Variants in CAST observed in about 807,000 individuals in gnomAD.
CAST encodes calpastatin.
Under a neutral mutation model 119.6 loss-of-function variants are expected in CAST, and 76 were observed. The observed-to-expected ratio is 0.64, with a 90% CI of 0.53 to 0.77. The LOEUF (loss-of-function observed/expected upper bound fraction) is 0.77. CAST is among the 30% of genes least tolerant of loss of function. CAST has a pLI of 0.00. For synonymous variants in CAST, 319 were observed against 331.6 expected (o/e 0.96, Z 0.41); for missense variants, 953 against 946.5 (o/e 1.01, Z -0.09).
the CAST span, among the ~76,000 whole-genome samples, chr5:96,383,492 G>A: frequency 1.3e-5 from 2 of 152,166 alleles, no homozygotes; most frequent in African/African-American, 4.8e-5. Flanking sequence ...CTGTCGCCAG[G>A]CTGGAGTGCA....
intron 3 of CAST, among the ~76,000 whole-genome samples, chr5:96,705,005 A>G (rs1754645718): frequency 6.6e-6 from 1 of 152,164 alleles, no homozygotes; most frequent in Non-Finnish European, 1.5e-5. Context: ...ACTACATCCA[A>G]TTTTTTAAAA....
the CAST span, among the ~76,000 whole-genome samples, chr5:96,047,841 C>A: frequency 1.3e-5 from 2 of 152,024 alleles, no homozygotes; most frequent in Non-Finnish European, 2.9e-5. Context: ...GCGCATGATG[C>A]AATGAGGGAA....
At chr5:96,194,120 C>T in the CAST span, among the ~76,000 whole-genome samples, 12 of 152,134 alleles carry the variant, frequency 7.9e-5, no homozygotes, top group African/African-American at 2.9e-4. Context: ...ATTTACAGAT[C>T]GAGATCTCCC....
the CAST span, among the ~76,000 whole-genome samples, chr5:96,163,559 G>C: frequency 6.6e-6 from 1 of 152,158 alleles, no homozygotes; most frequent in Non-Finnish European, 1.5e-5. Flanking sequence ...AATTTTAATA[G>C]ATATAGCTAG....
chr5:96,207,428 G>T, the CAST span, among the ~76,000 whole-genome samples: 1 of 151,974 alleles, frequency 6.6e-6, no homozygotes, highest in South Asian at 2.1e-4. Context: ...TAGGATGTTG[G>T]CTGTGAGTTT....
At position 96,747,433 on chromosome 5, in the gene CAST, G is replaced by T. The variant is rs1440783610; in HGVS notation, c.1332+41G>T. 4 of 1,226,140 alleles carry T rather than the reference G, an allele frequency of 3.3e-6. No individual in the cohort carries two copies. In the African/African-American group the frequency reaches 6.0e-5, roughly 18 times the overall value. 76.0% of individuals were successfully genotyped at this position (1,226,140 alleles called of 1,614,324 possible). The stretch of plus-strand genomic sequence containing the variant: ...TTTTTCTGATACTTAAAGAACAATA[G>T]ACATGTAAAGTATGAATTAAGATAA... On this transcript the variant is annotated intron_variant, in intron 18 of 31. Transcript: ENST00000675179.
chr5:96,131,645 A>G, the CAST span, among the ~76,000 whole-genome samples: 1 of 152,156 alleles, frequency 6.6e-6, no homozygotes, highest in African/African-American at 2.4e-5. Flanking sequence ...CATTAAGAGA[A>G]AAAGCACCAA....
chr5:96,608,392 A>G (rs1181139129), intron 1 of CAST, among the ~76,000 whole-genome samples: 1 of 152,198 alleles, frequency 6.6e-6, no homozygotes, highest in Non-Finnish European at 1.5e-5. Flanking sequence ...TGAGGTTAAC[A>G]GTAATACCAC....
rs27962 is a variant in CAST at position 96,753,935 on chromosome 5, C to G, written c.1525-125C>G. 42,710 of 624,330 alleles carry G rather than the reference C, an allele frequency of 0.068. 1,909 individuals carry two copies. Among genetic ancestry groups the G allele is most frequent in the African/African-American group, 0.15 (8,399 of 54,892 alleles). 38.7% of individuals were successfully genotyped at this position (624,330 alleles called of 1,614,324 possible). A position where few individuals can be genotyped will look rare whatever the true frequency, so the allele number is the denominator to read the frequency against. On this transcript the variant is annotated intron_variant, in intron 20 of 31. Transcript: ENST00000675179. Reference sequence around the variant, plus strand: ...ATAGATTCTAATTCAGTTGATAACTCGAGTTATTAAAAGATAGCGTGTGCC... The same window carrying G: ...ATAGATTCTAATTCAGTTGATAACTGGAGTTATTAAAAGATAGCGTGTGCC...
intron 1 of CAST, among the ~76,000 whole-genome samples, chr5:96,654,663 TA>T (rs1748133692): frequency 6.6e-6 from 1 of 152,210 alleles, no homozygotes; most frequent in South Asian, 2.1e-4. Context: ...AGTTCATTAA[TA>T]ACTTGCTGTT....
chr5:96,347,848 C>T, the CAST span, among the ~76,000 whole-genome samples: 1 of 152,174 alleles, frequency 6.6e-6, no homozygotes, highest in African/African-American at 2.4e-5. Flanking sequence ...TGTGCAGCCA[C>T]TAACCGTGTC....
chr5:96,150,806 G>T, the CAST span, among the ~76,000 whole-genome samples: 10 of 152,142 alleles, frequency 6.6e-5, no homozygotes, highest in African/African-American at 2.4e-4. Flanking sequence ...AAGCAGCTGT[G>T]GGGGGCAGGG....
rs1343475299 is a variant in CAST at position 96,772,766 on chromosome 5, A to T, written c.*150A>T. 1 of 152,766 alleles carries T rather than the reference A, an allele frequency of 6.5e-6. No homozygotes were observed. The highest frequency in any genetic ancestry group is 1.5e-5 in the Non-Finnish European group (1 of 67,998). The allele number at this position is 152,766 out of a possible 1,614,324, so 9.5% of individuals were successfully genotyped here. Reference sequence around the variant, plus strand: ...TTTGTTGAGTCTCTGAACATCCTAAATATTGGTTTGTTATTCTTTTCCAGA... The same window carrying T: ...TTTGTTGAGTCTCTGAACATCCTAATTATTGGTTTGTTATTCTTTTCCAGA... On this transcript the variant is annotated 3_prime_UTR_variant, in exon 32 of 32. Coordinates refer to ENST00000675179, the MANE Select transcript of CAST (RefSeq NM_001750.7).
At chr5:96,628,371 C>T (rs567930964) in intron 1 of CAST, among the ~76,000 whole-genome samples, 1 of 152,246 alleles carries the variant, frequency 6.6e-6, no homozygotes, top group African/African-American at 2.4e-5. Context: ...TCTATAAACA[C>T]ACAGCATTCA....
At chr5:96,252,317 A>G in the CAST span, among the ~76,000 whole-genome samples, 1 of 152,192 alleles carries the variant, frequency 6.6e-6, no homozygotes, top group African/African-American at 2.4e-5. Flanking sequence ...TTGTTTATTC[A>G]TTCATTCGCT....
the CAST span, among the ~76,000 whole-genome samples, chr5:96,511,706 G>A: frequency 0.011 from 1,684 of 152,306 alleles, 27 homozygotes; most frequent in African/African-American, 0.039. Flanking sequence ...TTGCTCTGTT[G>A]GAGATAGTAG....
chr5:96,079,690 C>T, the CAST span, among the ~76,000 whole-genome samples: 25 of 152,242 alleles, frequency 1.6e-4, 1 homozygote, highest in East Asian at 9.6e-4. Context: ...ACATTCTCTA[C>T]GTAATCAAAC....
chr5:96,320,147 C>T, the CAST span, among the ~76,000 whole-genome samples: 1 of 151,584 alleles, frequency 6.6e-6, no homozygotes, highest in East Asian at 2.0e-4. Flanking sequence ...AACTACTCCT[C>T]CTAAGAAAGT....
At chr5:96,250,479 G>A in the CAST span, among the ~76,000 whole-genome samples, 7 of 152,072 alleles carry the variant, frequency 4.6e-5, no homozygotes, top group African/African-American at 1.2e-4. Flanking sequence ...AGGGCAAAAG[G>A]CAACAGGGTG....
Sources: gnomAD v4.1 joint callset for allele counts (sites outside exome capture counted in the v4.1 genomes callset) on GRCh38, gnomAD v4.1.1 for gene constraint, MANE v1.5 for transcripts, NCBI Gene and HGNC (gene_info 2026-07-23, HGNC 2026-07-21) for gene names.